BRCA2: variants seen among roughly 807,000 people sequenced by gnomAD.
BRCA2 encodes breast cancer type 2 susceptibility protein.
Under a neutral mutation model 276.7 loss-of-function variants are expected in BRCA2, and 203 were observed. The ratio of observed to expected loss-of-function variants is 0.73; its 90% CI spans 0.65 to 0.82. The LOEUF (loss-of-function observed/expected upper bound fraction) is 0.82. BRCA2 is among the 40% of genes least tolerant of loss of function. BRCA2 has a pLI of 0.00. For missense variants in BRCA2, 3,920 were observed against 3,915.0 expected, an observed-to-expected ratio of 1.00 and a Z score of -0.03; for synonymous variants, 1,289 against 1,338.4, an observed-to-expected ratio of 0.96 and a Z score of 0.81.
At chr13:32,316,303 C>A in intron 1 of BRCA2, 119 bp from the exon 2 acceptor site, 1 of 715,096 alleles carries the variant, frequency 1.4e-6, no homozygotes, top group Admixed American at 2.2e-5. Context: ...TGTTACCGTT[C>A]CAGGAGATGG....
chr13:32,325,087 C>A lies in BRCA2; in HGVS notation c.328C>A (p.Pro110Thr), dbSNP rs1555280838. 6.3e-7 allele frequency: 1 copy of A among 1,586,796 alleles called. No individual in the cohort carries two copies. The highest frequency in any genetic ancestry group is 1.3e-5 in the African/African-American group (1 of 74,354). The stretch of plus-strand genomic sequence containing the variant: ...TTGTACTGTTTCAGGAAGGAATGTT[C>A]CCAATAGTAGACATAAAAGTCTTCG... ...KFKLDLGRNVPNSRHKSLRTV... is the reference protein window; with the variant it reads ...KFKLDLGRNVTNSRHKSLRTV... The change falls in exon 4 of 27, where the codon CCC becomes ACC. Residue 110 changes from proline (P) to threonine (T), a missense_variant. Pro to Thr is a conservative substitution (Grantham distance 38). Around this residue, in one of 2 missense-constraint regions of BRCA2, gnomAD observed 3,263 missense variants for 3,156.9 expected, o/e 1.03. Coordinates refer to ENST00000380152, the MANE Select transcript of BRCA2 (RefSeq NM_000059.4).
rs764434091 is a variant in BRCA2, at chr13:32,346,859, C to T, written c.6970C>T (p.His2324Tyr). Residue 2324 changes from histidine (H) to tyrosine (Y), a missense_variant, in exon 13 of 27, where the codon CAT becomes TAT. By Grantham distance (83) the His-to-Tyr change is moderately conservative. Around this residue, in one of 2 missense-constraint regions of BRCA2, gnomAD observed 3,263 missense variants for 3,156.9 expected, o/e 1.03. Transcript: ENST00000380152. ...TIKDRRLFMH[H>Y]VSLEPITCVP... ...AAAAGATCGAAGATTGTTTATGCAT[C>T]ATGTTTCTTTAGAGCCGATTACCTG... The T allele has an allele frequency of 6.2e-7, 1 of 1,610,052 alleles. No individual in the cohort carries two copies. The highest frequency in any genetic ancestry group is 8.5e-7 in the Non-Finnish European group (1 of 1,177,966).
chr13:32,345,093 C>T lies in BRCA2; in HGVS notation c.6937+440C>T, dbSNP rs11147488. On this transcript the variant is annotated intron_variant, in intron 12 of 26. Coordinates refer to ENST00000380152, the MANE Select transcript of BRCA2 (RefSeq NM_000059.4). ...GCTTCCCAAAAATTCTGATTTTCATCTAAAAGCTTGAATTTTTCCCCGGCA... is the reference window on the plus strand; with the variant it reads ...GCTTCCCAAAAATTCTGATTTTCATTTAAAAGCTTGAATTTTTCCCCGGCA... Among the ~76,000 whole-genome samples the T allele has an allele frequency of 0.041, 6,233 of 152,124 alleles. 218 individuals are homozygous for T. Among genetic ancestry groups the T allele is most frequent in the South Asian group, 0.11 (553 of 4,830 alleles).
rs556115030 is a variant in BRCA2 at position 32,357,096 on chromosome 13, A to G, written c.7617+487A>G. 2.6e-5 allele frequency among the ~76,000 whole-genome samples: 4 copies of G among 152,354 alleles called. No individual in the cohort carries two copies. In the East Asian group the frequency reaches 7.7e-4, roughly 29 times the overall value. The stretch of plus-strand genomic sequence containing the variant: ...TAAGATGCTCTTCTAAGCACTTCAC[A>G]TGCATTAGGTATATCTTGCTTAATC... On this transcript the variant is annotated intron_variant, in intron 15 of 26. Coordinates refer to ENST00000380152, the MANE Select transcript of BRCA2 (RefSeq NM_000059.4).
chr13:32,389,424 A>G (rs936545093), intron 24 of BRCA2, among the ~76,000 whole-genome samples: 23 of 152,106 alleles, frequency 1.5e-4, no homozygotes, highest in African/African-American at 5.1e-4. Flanking sequence ...TCTTCCTTTA[A>G]TCTTCTCTTT....
chr13:32,371,886 C>T (rs1024454884), intron 20 of BRCA2, among the ~76,000 whole-genome samples: 1 of 152,108 alleles, frequency 6.6e-6, no homozygotes, highest in African/African-American at 2.4e-5. Flanking sequence ...CTAAAAAAAA[C>T]AATGCACATA....
rs537342552 is a variant in BRCA2, at chr13:32,316,108, GCGTTGGTCTCTAACTGGAGCC to G, written c.-39-312_-39-292del. Reference sequence around the variant, plus strand: ...ACATGCTGATGGGAATTACCAGGCGGCGTTGGTCTCTAACTGGAGCCCTCTGTCCCCACTAGCCACGCGTCA... The same window carrying G: ...ACATGCTGATGGGAATTACCAGGCGGCTCTGTCCCCACTAGCCACGCGTCA... On this transcript the variant is annotated intron_variant, in intron 1 of 26. Coordinates refer to ENST00000380152, the MANE Select transcript of BRCA2 (RefSeq NM_000059.4). Among the ~76,000 whole-genome samples, 400 of 152,346 alleles carry G rather than the reference GCGTTGGTCTCTAACTGGAGCC, an allele frequency of 2.6e-3. 3 individuals carry two copies. The highest frequency in any genetic ancestry group is 9.3e-3 in the African/African-American group (385 of 41,578).
At chr13:32,344,795 C>T in intron 12 of BRCA2, 142 bp downstream of exon 12, 2 of 604,900 alleles carry the variant, frequency 3.3e-6, no homozygotes, top group Non-Finnish European at 6.0e-6. Flanking sequence ...CCTCTTTATA[C>T]TCTTAAAAAT....
chr13:32,365,670 G>A (rs1220165701), intron 18 of BRCA2, among the ~76,000 whole-genome samples: 1 of 148,186 alleles, frequency 6.7e-6, no homozygotes, highest in Non-Finnish European at 1.5e-5. Flanking sequence ...GAGCCACCAC[G>A]CCCAGCCTGT....
At chr13:32,318,511 G>A (rs913518933) in intron 2 of BRCA2, among the ~76,000 whole-genome samples, 12 of 151,392 alleles carry the variant, frequency 7.9e-5, no homozygotes, top group African/African-American at 2.7e-4. Flanking sequence ...GCGTGATCTC[G>A]GCTCACTGCA....
rs80358408 is a variant in BRCA2, at chr13:32,332,601, C to T, written c.1123C>T (p.Pro375Ser). 4.2e-5 allele frequency: 67 copies of T among 1,613,952 alleles called. 1 individual carries two copies. The Admixed American group carries it at 6.2e-4, about 15-fold the overall frequency. Residue 375 changes from proline (P) to serine (S), a missense_variant, in exon 10 of 27, where the codon CCC becomes TCC. Transcript: ENST00000380152. ...AGATTCAAATGTAGCAAATCAGAAG[C>T]CCTTTGAGAGTGGAAGTGACAAAAT... ...PLDSNVANQKPFESGSDKISK... is the reference protein window; with the variant it reads ...PLDSNVANQKSFESGSDKISK...
At chr13:32,350,758 A>G (rs2072643622) in intron 13 of BRCA2, among the ~76,000 whole-genome samples, 1 of 152,248 alleles carries the variant, frequency 6.6e-6, no homozygotes, top group South Asian at 2.1e-4. Flanking sequence ...GTCTCAAAAA[A>G]AAAACAACAA....
Position 32,326,492 on chromosome 13 carries a change from C to A in BRCA2, c.517-7C>A, listed in dbSNP as rs2137451844. The A allele has an allele frequency of 6.3e-7, 1 of 1,589,274 alleles. No homozygotes were observed. Among genetic ancestry groups the A allele is most frequent in the Non-Finnish European group, 8.6e-7 (1 of 1,157,544 alleles). On this transcript the variant is annotated splice_region_variant and splice_polypyrimidine_tract_variant and intron_variant, in intron 6 of 26. Transcript: ENST00000380152. ...TATAAAAAATAAACTATTTTCTTTC[C>A]TCCCAGGGTCGTCAGACACCAAAAC...
chr13:32,316,485 C>A lies in BRCA2; in HGVS notation c.25C>A (p.Pro9Thr), dbSNP rs1593880685. 1 of 1,613,848 alleles carries A rather than the reference C, an allele frequency of 6.2e-7. No individual in the cohort carries two copies. The highest frequency in any genetic ancestry group is 8.5e-7 in the Non-Finnish European group (1 of 1,179,918). The part of the protein sequence containing the change: MPIGSKER[P>T]TFFEIFKTRC... ...AATGCCTATTGGATCCAAAGAGAGG[C>A]CAACATTTTTTGAAATTTTTAAGAC... The change falls in exon 2 of 27, where the codon CCA becomes ACA. Residue 9 changes from proline to threonine, a missense_variant. Physicochemically the swap from Pro to Thr is conservative, Grantham distance 38. Coordinates refer to ENST00000380152, the MANE Select transcript of BRCA2 (RefSeq NM_000059.4).
At chr13:32,376,339 T>C (rs1376972401) in intron 20 of BRCA2, among the ~76,000 whole-genome samples, 1 of 152,020 alleles carries the variant, frequency 6.6e-6, no homozygotes, top group Non-Finnish European at 1.5e-5. Context: ...CTGGCCAATA[T>C]GGTGAAACTC....
chr13:32,356,762 G>A (rs1298706018), intron 15 of BRCA2, among the ~76,000 whole-genome samples, 153 bp downstream of exon 15: 3 of 152,226 alleles, frequency 2.0e-5, no homozygotes, highest in Non-Finnish European at 4.4e-5. Flanking sequence ...AGCCTGCAGT[G>A]GCAGCCTCTG....
chr13:32,381,848 A>G (rs2072926468), intron 24 of BRCA2, among the ~76,000 whole-genome samples: 1 of 152,180 alleles, frequency 6.6e-6, no homozygotes, highest in African/African-American at 2.4e-5. Context: ...AACAAAAGCA[A>G]TGGAAGTGGT....
At position 32,356,495 on chromosome 13, in the gene BRCA2, A is replaced by T. The variant is rs1057522866; in HGVS notation, c.7503A>T (p.Gln2501His). The change falls in exon 15 of 27, where the codon CAA becomes CAT. Residue 2501 changes from glutamine to histidine, a missense_variant. Physicochemically the swap from Gln to His is conservative, Grantham distance 24. Around this residue, in one of 2 missense-constraint regions of BRCA2, gnomAD observed 3,263 missense variants for 3,156.9 expected, o/e 1.03. Transcript: ENST00000380152. ...TGCGAATTAAGAAGAAACAAAGGCA[A>T]CGCGTCTTTCCACAGCCAGGCAGTC... Reference protein sequence around the residue: ...QDMRIKKKQRQRVFPQPGSLY... With the variant: ...QDMRIKKKQRHRVFPQPGSLY... 1 of 1,614,228 alleles carries T rather than the reference A, an allele frequency of 6.2e-7. No homozygotes were observed. The highest frequency in any genetic ancestry group is 1.1e-5 in the South Asian group (1 of 91,088).
At position 32,359,186 on chromosome 13, in the gene BRCA2, C is replaced by T. The variant is rs1163364665; in HGVS notation, c.7805+1257C>T. On this transcript the variant is annotated intron_variant, in intron 16 of 26. Transcript: ENST00000380152. ...GCAGTGAGCCAAAATTGCACCACTG[C>T]ACTGCAGCCTGGGCAACAGTGAGAC... Among the ~76,000 whole-genome samples the T allele has an allele frequency of 8.2e-5, 11 of 134,620 alleles. No homozygotes were observed. The Admixed American group carries it at 8.3e-4, about 10-fold the overall frequency. 88.3% of individuals were successfully genotyped at this position (134,620 alleles called of 152,430 possible). A position where few individuals can be genotyped will look rare whatever the true frequency, so the allele number is the denominator to read the frequency against.
Sources: allele counts gnomAD v4.1 joint callset (sites outside exome capture counted in the v4.1 genomes callset), GRCh38; gene constraint gnomAD v4.1.1; regional missense constraint gnomAD v4.1.1; transcripts MANE v1.5; gene names NCBI Gene and HGNC (gene_info 2026-07-23, HGNC 2026-07-21).